SLC1A2: variants seen among roughly 807,000 people sequenced by gnomAD.
SLC1A2 encodes solute carrier family 1 member 2.
A neutral mutation model predicts 48.8 loss-of-function variants in SLC1A2; 15 were observed. The observed-to-expected ratio is 0.31, with a 90% CI of 0.21 to 0.47. The LOEUF (loss-of-function observed/expected upper bound fraction) is 0.47, where lower values mean the gene tolerates loss of function less well. SLC1A2 is among the 20% of genes least tolerant of loss of function. The probability of loss-of-function intolerance (pLI) is 0.99; values close to 1 mark genes in which losing one functional copy is unlikely to be tolerated. For missense variants in SLC1A2, 502 were observed against 730.5 expected (o/e 0.69, Z 3.61); for synonymous variants, 279 against 272.6 (o/e 1.02, Z -0.23).
intron 5 of SLC1A2, among the ~76,000 whole-genome samples, chr11:35,302,569 C>A (rs1851387196): frequency 6.6e-6 from 1 of 152,120 alleles, no homozygotes; most frequent in South Asian, 2.1e-4. Flanking sequence ...AGGTCTTGGA[C>A]CAACTCCAAT....
chr11:35,300,152 G>A (rs1203355201), intron 6 of SLC1A2, among the ~76,000 whole-genome samples: 1 of 152,182 alleles, frequency 6.6e-6, no homozygotes, highest in Non-Finnish European at 1.5e-5. Context: ...AAATAAAGGG[G>A]AAACAATATT....
intron 5 of SLC1A2, among the ~76,000 whole-genome samples, chr11:35,304,299 G>T (rs1851438418): frequency 6.6e-6 from 1 of 152,076 alleles, no homozygotes; most frequent in South Asian, 2.1e-4. Flanking sequence ...ATTGTTCATG[G>T]CCTCAAGCTC....
chr11:35,335,503 C>T (rs1303117720), intron 1 of SLC1A2, among the ~76,000 whole-genome samples: 2 of 152,144 alleles, frequency 1.3e-5, no homozygotes, highest in East Asian at 3.8e-4. Context: ...TGATCCAGAC[C>T]CTGGGCATGC....
chr11:35,319,105 G>A (rs1176063334), intron 1 of SLC1A2, among the ~76,000 whole-genome samples: 1 of 152,134 alleles, frequency 6.6e-6, no homozygotes, highest in Non-Finnish European at 1.5e-5. Context: ...ACATATGTGT[G>A]CAATAACAAT....
chr11:35,400,934 A>T (rs1238629518), intron 1 of SLC1A2, among the ~76,000 whole-genome samples: 1 of 152,220 alleles, frequency 6.6e-6, no homozygotes, highest in Non-Finnish European at 1.5e-5. Context: ...GACATAAAAC[A>T]TCAATCAATA....
chr11:35,380,422 T>A, intron 1 of SLC1A2: 1 of 398,632 alleles, frequency 2.5e-6, no homozygotes, highest in Non-Finnish European at 4.4e-6. Context: ...TGGATGCATA[T>A]GTGCGAGTTA....
intron 9 of SLC1A2, among the ~76,000 whole-genome samples, chr11:35,274,993 T>G (rs535460544): frequency 1.1e-4 from 16 of 152,346 alleles, no homozygotes; most frequent in African/African-American, 3.6e-4. Context: ...CGTCTCTAGT[T>G]CATTGCTTCT....
At chr11:35,290,706 C>A (rs1725100683) in intron 7 of SLC1A2, among the ~76,000 whole-genome samples, 1 of 114,386 alleles carries the variant, frequency 8.7e-6, no homozygotes. Context: ...TAAAATTAAA[C>A]CAGGTTGGGT....
intron 7 of SLC1A2, among the ~76,000 whole-genome samples, chr11:35,291,050 A>T (rs1850985067): frequency 1.3e-5 from 2 of 152,186 alleles, no homozygotes; most frequent in East Asian, 3.9e-4. Flanking sequence ...ATGCAGTGGC[A>T]CCTCCCTAGC....
chr11:35,417,580 T>C (rs1855646641), intron 1 of SLC1A2, among the ~76,000 whole-genome samples: 1 of 152,238 alleles, frequency 6.6e-6, no homozygotes, highest in Admixed American at 6.5e-5. Flanking sequence ...AGATCTGTTT[T>C]AGCACAAGGT....
chr11:35,289,672 G>T (rs115833264), intron 7 of SLC1A2, among the ~76,000 whole-genome samples: 1,702 of 152,102 alleles, frequency 0.011, 34 homozygotes, highest in African/African-American at 0.039. Context: ...AACCATAAAG[G>T]TATTGGAAGA....
chr11:35,418,539 A>C (rs1855681123), intron 1 of SLC1A2: 1 of 191,824 alleles, frequency 5.2e-6, no homozygotes, highest in African/African-American at 2.4e-5. Flanking sequence ...GTCTTGGCTC[A>C]TTCCTTCCGA....
chr11:35,268,887 C>A (rs1245515037), intron 9 of SLC1A2, among the ~76,000 whole-genome samples: 1 of 152,156 alleles, frequency 6.6e-6, no homozygotes, highest in Non-Finnish European at 1.5e-5. Flanking sequence ...CCATCTGCCA[C>A]ATGTTGAGAA....
At chr11:35,286,445 G>C (rs1267842807) in intron 8 of SLC1A2, 1 of 192,146 alleles carries the variant, frequency 5.2e-6, no homozygotes, top group Admixed American at 5.9e-5. Flanking sequence ...ATGCCTCTTG[G>C]TGCCTGAGTT....
intron 1 of SLC1A2, among the ~76,000 whole-genome samples, chr11:35,407,912 A>G (rs997138018): frequency 2.0e-5 from 3 of 152,116 alleles, no homozygotes; most frequent in Non-Finnish European, 4.4e-5. Flanking sequence ...GCTCCCTTAC[A>G]TCTGTAATAC....
At chr11:35,352,352 C>T (rs934931822) in intron 1 of SLC1A2, 11 of 152,196 alleles carry the variant, frequency 7.2e-5, no homozygotes, top group African/African-American at 2.2e-4. Flanking sequence ...AACACATCCA[C>T]GGTCCCTTAT....
chr11:35,347,664 A>G (rs1555011753), intron 1 of SLC1A2, among the ~76,000 whole-genome samples: 1 of 152,228 alleles, frequency 6.6e-6, no homozygotes, highest in Non-Finnish European at 1.5e-5. Flanking sequence ...GAGCTTATTT[A>G]GAGCAGCAGT....
chr11:35,296,289 C>T (rs796613870), intron 6 of SLC1A2, among the ~76,000 whole-genome samples: 17 of 152,286 alleles, frequency 1.1e-4, no homozygotes, highest in African/African-American at 3.9e-4. Context: ...CTGTCCCACA[C>T]GTTTCCAATA....
chr11:35,349,917 T>C (rs1234052566), intron 1 of SLC1A2, among the ~76,000 whole-genome samples: 1 of 152,154 alleles, frequency 6.6e-6, no homozygotes, highest in African/African-American at 2.4e-5. Context: ...GAGACCTATG[T>C]TCGGGGTAGT....
Sources: gnomAD v4.1 joint callset for allele counts (sites outside exome capture counted in the v4.1 genomes callset) on GRCh38, gnomAD v4.1.1 for gene constraint, MANE v1.5 for transcripts, NCBI Gene and HGNC (gene_info 2026-07-23, HGNC 2026-07-21) for gene names.